The following QARS1 variants were observed in gnomAD, a reference collection of about 807,000 sequenced individuals.
The protein encoded by QARS1 is glutamine--tRNA ligase.
Under a neutral mutation model 106.9 loss-of-function variants are expected in QARS1, and 79 were observed. The ratio of observed to expected loss-of-function variants is 0.74; its 90% CI spans 0.62 to 0.89. QARS1 has a LOEUF of 0.89. Ranked by LOEUF, QARS1 falls within the 40% of genes least tolerant of loss-of-function variation. The probability of loss-of-function intolerance (pLI) is 0.00; values close to 1 mark genes in which losing one functional copy is unlikely to be tolerated. For synonymous variants in QARS1, 395 were observed against 367.7 expected (o/e 1.07, Z -0.85); for missense variants, 966 against 997.2 (o/e 0.97, Z 0.42).
Position 49,103,935 on chromosome 3 carries a change from G to A in QARS1, c.303C>T (p.Pro101=), listed in dbSNP as rs760808193. Residue 101 remains proline (P), a synonymous_variant, in exon 3 of 24, where the codon CCC becomes CCT. Transcript: ENST00000306125. Reference sequence around the variant, plus strand: ...CCCGCTCGAAGTCCACAGTGTCGATGGGGTCCAAGGGGTGACTCCGCACAT... The same window carrying A: ...CCCGCTCGAAGTCCACAGTGTCGATAGGGTCCAAGGGGTGACTCCGCACAT... ...LEYVRSHPLD[P]IDTVDFEREC... is the part of the protein sequence containing the mutation. 6.2e-7 allele frequency: 1 copy of A among 1,613,986 alleles called. No homozygotes were observed. The highest frequency in any genetic ancestry group is 8.5e-7 in the Non-Finnish European group (1 of 1,180,012).
intron 8 of QARS1, 46 bp downstream of exon 8, chr3:49,101,782 G>A (rs1575402412): frequency 1.2e-6 from 2 of 1,608,360 alleles, no homozygotes; most frequent in Non-Finnish European, 1.7e-6. Flanking sequence ...TATAGGAGCT[G>A]CTGCCAAGAT....
At position 49,103,377 on chromosome 3, in the gene QARS1, C is replaced by T. The variant is rs2042495698; in HGVS notation, c.484G>A (p.Gly162Ser). ...EARAVLKWAD[G>S]KMIKNEVDMQ... ...TCCACTTCATTCTTGATCATTTTGC[C>T]ATCTGCCCACTTCAGCACAGCCCGA... Residue 162 changes from glycine (G) to serine (S), a missense_variant, in exon 5 of 24, where the codon GGC becomes AGC. Coordinates refer to ENST00000306125, the MANE Select transcript of QARS1 (RefSeq NM_005051.3). 2 of 1,613,968 alleles carry T rather than the reference C, an allele frequency of 1.2e-6. No individual in the cohort carries two copies. Among genetic ancestry groups the T allele is most frequent in the African/African-American group, 2.7e-5 (2 of 74,896 alleles).
intron 7 of QARS1, 38 bp downstream of exon 7, chr3:49,102,167 G>A (rs2042479795): frequency 1.2e-6 from 2 of 1,613,516 alleles, no homozygotes; most frequent in East Asian, 2.2e-5. Flanking sequence ...CAGAAGTCAG[G>A]GAGCTGAATG....
Position 49,096,841 on chromosome 3 carries a change from C to T in QARS1, c.2278-762G>A, listed in dbSNP as rs1407349067. On this transcript the variant is annotated intron_variant, in intron 23 of 23. Coordinates refer to ENST00000306125, the MANE Select transcript of QARS1 (RefSeq NM_005051.3). ...AAAAAAAAAAAAAAAAAAAATTTGC[C>T]GGGCGTGGTAGCATGTGCCTGTAAT... Among the ~76,000 whole-genome samples the T allele has an allele frequency of 1.4e-4, 10 of 71,012 alleles. No homozygotes were observed. The South Asian group carries it at 3.1e-3, about 22-fold the overall frequency. 46.6% of individuals were successfully genotyped at this position (71,012 alleles called of 152,430 possible).
chr3:49,098,286 C>A lies in QARS1; in HGVS notation c.2085-28G>T, dbSNP rs567271491. The A allele has an allele frequency of 5.0e-6, 8 of 1,614,236 alleles. 1 individual carries two copies. The highest frequency in any genetic ancestry group is 3.3e-5 in the South Asian group (3 of 91,072). On this transcript the variant is annotated intron_variant, in intron 21 of 23. Transcript: ENST00000306125. ...GCAGCCAAAGTGAAGGTCATACCCC[C>A]AGCTGGGCAGCCATAGCAGGCAATG...
intron 10 of QARS1, 40 bp from the exon 11 acceptor site, chr3:49,100,714 A>C (rs1559968307): frequency 9.2e-6 from 13 of 1,420,702 alleles, no homozygotes; most frequent in Non-Finnish European, 1.3e-5. Flanking sequence ...CACATCATCC[A>C]TCAGCCCCAC....
At position 49,099,872 on chromosome 3, in the gene QARS1, G is replaced by C. The variant is rs753331885; in HGVS notation, c.1296-19C>G. On this transcript the variant is annotated intron_variant, in intron 14 of 23. Coordinates refer to ENST00000306125, the MANE Select transcript of QARS1 (RefSeq NM_005051.3). ...GATGCACCTGTGGGGCATAGGCAGT[G>C]GGCCCTACCATCCAGCCCTACTCTG... 7.4e-6 allele frequency: 12 copies of C among 1,613,790 alleles called. No individual in the cohort carries two copies. The highest frequency in any genetic ancestry group is 1.0e-5 in the Non-Finnish European group (12 of 1,179,956).
intron 2 of QARS1, 34 bp downstream of exon 2, chr3:49,104,290 T>C: frequency 6.2e-7 from 1 of 1,610,680 alleles, no homozygotes; most frequent in East Asian, 2.2e-5. Context: ...AGGGAGGCAT[T>C]GGTGCGAACT....
rs1323024546 is a variant in QARS1, at chr3:49,102,363, A to G, written c.570+56T>C. 1.9e-6 allele frequency: 3 copies of G among 1,612,738 alleles called. No homozygotes were observed. The African/African-American group carries it at 4.0e-5, about 22-fold the overall frequency. ...GTCAGACACTTCCTTCCCCAGCCTG[A>G]AGTCTCACCATACCTCACCTCACCC... On this transcript the variant is annotated intron_variant, in intron 6 of 23. Coordinates refer to ENST00000306125, the MANE Select transcript of QARS1 (RefSeq NM_005051.3).
chr3:49,096,285 C>A (rs2042389492), intron 23 of QARS1, among the ~76,000 whole-genome samples: 1 of 152,138 alleles, frequency 6.6e-6, no homozygotes, highest in Non-Finnish European at 1.5e-5. Flanking sequence ...ATTATATGGA[C>A]CATAACAACC....
At position 49,098,188 on chromosome 3, in the gene QARS1, C is replaced by T; in HGVS notation, c.2151+4G>A. 1 of 1,614,170 alleles carries T rather than the reference C, an allele frequency of 6.2e-7. No homozygotes were observed. Among genetic ancestry groups the T allele is most frequent in the South Asian group, 1.1e-5 (1 of 91,064 alleles). On this transcript the variant is annotated splice_donor_region_variant and intron_variant, in intron 22 of 23. Transcript: ENST00000306125. ...CTCCCTCACCCCAAACCTCATGAAC[C>T]TACCAGGTTCAGGTCACTTAAAAAT... is the stretch of plus-strand genomic sequence containing the variant.
intron 19 of QARS1, 57 bp downstream of exon 19, chr3:49,098,828 A>C: frequency 6.5e-7 from 1 of 1,528,326 alleles, no homozygotes. Flanking sequence ...TGAGGAGATG[A>C]AAGGTTCCCA....
rs747555785 is a variant in QARS1, at chr3:49,098,350, C to T, written c.2084+3G>A. ...TGCCCCCACCCCAGCTCTGTTCACT[C>T]ACAGTCGCTCATAGAGGCGAACCTC... is the stretch of plus-strand genomic sequence containing the variant. On this transcript the variant is annotated splice_donor_region_variant and intron_variant, in intron 21 of 23. Coordinates refer to ENST00000306125, the MANE Select transcript of QARS1 (RefSeq NM_005051.3). 2.5e-6 allele frequency: 4 copies of T among 1,614,214 alleles called. No homozygotes were observed. Among genetic ancestry groups the T allele is most frequent in the South Asian group, 2.2e-5 (2 of 91,074 alleles).
At position 49,098,059 on chromosome 3, in the gene QARS1, G is replaced by T. The variant is rs772699618; in HGVS notation, c.2210C>A (p.Pro737His). 8.7e-6 allele frequency: 14 copies of T among 1,614,170 alleles called. No individual in the cohort carries two copies. Among genetic ancestry groups the T allele is most frequent in the Non-Finnish European group, 1.2e-5 (14 of 1,180,032 alleles). ...LVDCSVALAK[P>H]FDKFQFERLG... is the part of the protein sequence containing the mutation. ...ACGCTCAAACTGGAACTTGTCGAAG[G>T]GTTTTGCCAGGGCCACAGAGCAGTC... The change falls in exon 23 of 24, where the codon CCC becomes CAC. Residue 737 changes from proline (P) to histidine (H), a missense_variant. Transcript: ENST00000306125.
rs372463179 is a variant in QARS1, at chr3:49,098,280, T to C, written c.2085-22A>G. ...GAATCTGCAGCCAAAGTGAAGGTCA[T>C]ACCCCCAGCTGGGCAGCCATAGCAG... is the stretch of plus-strand genomic sequence containing the variant. On this transcript the variant is annotated intron_variant, in intron 21 of 23. Coordinates refer to ENST00000306125, the MANE Select transcript of QARS1 (RefSeq NM_005051.3). 6 of 1,614,202 alleles carry C rather than the reference T, an allele frequency of 3.7e-6. No homozygotes were observed. In the African/African-American group the frequency reaches 4.0e-5, roughly 11 times the overall value.
At position 49,104,313 on chromosome 3, in the gene QARS1, A is replaced by AG; in HGVS notation, c.265+10dup. On this transcript the variant is annotated intron_variant, in intron 2 of 23. Transcript: ENST00000306125. Reference sequence around the variant, plus strand: ...ATTGGTGCGAACTGGCAGGACAGGTAGGGGTCTCACCGCTTAGCTGGGGCT... The same window carrying AG: ...ATTGGTGCGAACTGGCAGGACAGGTAGGGGGTCTCACCGCTTAGCTGGGGCT... 6.2e-7 allele frequency: 1 copy of AG among 1,613,812 alleles called. No homozygotes were observed. The highest frequency in any genetic ancestry group is 8.5e-7 in the Non-Finnish European group (1 of 1,179,804).
chr3:49,104,247 T>C, intron 2 of QARS1, 77 bp downstream of exon 2: 1 of 1,575,928 alleles, frequency 6.3e-7, no homozygotes, highest in South Asian at 1.1e-5. Context: ...ACTGGAGGAC[T>C]TGGCAAAAAG....
rs1352118586 is a variant in QARS1 at position 49,098,262 on chromosome 3, C to T, written c.2085-4G>A. 6.2e-7 allele frequency: 1 copy of T among 1,614,200 alleles called. No homozygotes were observed. The highest frequency in any genetic ancestry group is 8.5e-7 in the Non-Finnish European group (1 of 1,180,042). ...TTCAGGGTTCTTGTGCTGGAATCTG[C>T]AGCCAAAGTGAAGGTCATACCCCCA... On this transcript the variant is annotated splice_region_variant and splice_polypyrimidine_tract_variant and intron_variant, in intron 21 of 23. Transcript: ENST00000306125.
chr3:49,097,704 G>T (rs2042409550), intron 23 of QARS1, among the ~76,000 whole-genome samples: 1 of 152,000 alleles, frequency 6.6e-6, no homozygotes, highest in African/African-American at 2.4e-5. Context: ...GCTGAGGCAG[G>T]AGAATCACTT....
Sources: allele counts gnomAD v4.1 joint callset (sites outside exome capture counted in the v4.1 genomes callset), GRCh38; gene constraint gnomAD v4.1.1; transcripts MANE v1.5; gene names NCBI Gene and HGNC (gene_info 2026-07-23, HGNC 2026-07-21).